The following TRIM27 variants were observed in gnomAD, a reference collection of about 807,000 sequenced individuals.
TRIM27 encodes tripartite motif containing 27, also known as zinc finger protein RFP.
In TRIM27, 12 loss-of-function variants were observed where a neutral mutation model predicts 57.6. That is an observed-to-expected ratio of 0.21 (90% CI 0.13 to 0.34). The LOEUF is 0.34. Ranked by LOEUF, TRIM27 falls within the 10% of genes least tolerant of loss-of-function variation. TRIM27 has a pLI of 1.00. For synonymous variants in TRIM27, 266 were observed against 259.0 expected, an observed-to-expected ratio of 1.03 and a Z score of -0.26; for missense variants, 403 against 656.8, an observed-to-expected ratio of 0.61 and a Z score of 4.22.
Position 28,923,685 on chromosome 6 carries a change from C to G in TRIM27, c.-53G>C. 6.9e-7 allele frequency: 1 copy of G among 1,451,504 alleles called. No homozygotes were observed. Among genetic ancestry groups the G allele is most frequent in the South Asian group, 1.4e-5 (1 of 71,862 alleles). The allele number at this position is 1,451,504 out of a possible 1,614,324, so 89.9% of individuals were successfully genotyped here. On this transcript the variant is annotated 5_prime_UTR_variant, in exon 1 of 8. Transcript: ENST00000377199. Reference sequence around the variant, plus strand: ...ATGGGCCCCGGCGCCGAGCTCTGCACTGAGCCCAACTCTCCGGCGCTCTCT... The same window carrying G: ...ATGGGCCCCGGCGCCGAGCTCTGCAGTGAGCCCAACTCTCCGGCGCTCTCT...
chr6:28,910,138 A>AAC (rs1562156812), intron 4 of TRIM27, among the ~76,000 whole-genome samples: 1 of 151,386 alleles, frequency 6.6e-6, no homozygotes, highest in African/African-American at 2.4e-5. Flanking sequence ...AAAAAAAAAA[A>AAC]AAAAAACGAA....
Position 28,923,575 on chromosome 6 carries a change from G to A in TRIM27, c.58C>T (p.Leu20=), listed in dbSNP as rs1466389841. ...LQQETTCPVC[L]QYFAEPMMLD... ...ATCATGGGCTCTGCGAAGTACTGCA[G>A]GCACACGGGGCAGGTGGTCTCCTGC... The change falls in exon 1 of 8, where the codon CTG becomes TTG. Residue 20 remains leucine (L), a synonymous_variant. Transcript: ENST00000377199. The A allele has an allele frequency of 9.3e-6, 15 of 1,608,370 alleles. 1 individual carries two copies. The East Asian group carries it at 1.1e-4, about 12-fold the overall frequency.
chr6:28,918,745 G>A lies in TRIM27; in HGVS notation c.747+1267C>T, dbSNP rs577201343. 1.3e-3 allele frequency among the ~76,000 whole-genome samples: 201 copies of A among 151,998 alleles called. 1 individual carries two copies. The highest frequency in any genetic ancestry group is 4.6e-3 in the African/African-American group (190 of 41,524). Reference sequence around the variant, plus strand: ...ACAAAAATTAGCCAGCCATGGTGGTGTGCGCCTGTAATCTCAGCTACTCAG... The same window carrying A: ...ACAAAAATTAGCCAGCCATGGTGGTATGCGCCTGTAATCTCAGCTACTCAG... On this transcript the variant is annotated intron_variant, in intron 3 of 7. Transcript: ENST00000377199.
intron 3 of TRIM27, among the ~76,000 whole-genome samples, chr6:28,918,275 C>CT (rs1397334500): frequency 1.3e-5 from 2 of 152,164 alleles, no homozygotes; most frequent in Non-Finnish European, 2.9e-5. Flanking sequence ...TGTCTCGTCT[C>CT]TAAGTATTTT....
chr6:28,922,045 G>A (rs1774083769), intron 1 of TRIM27, 58 bp from the exon 2 acceptor site: 1 of 1,297,822 alleles, frequency 7.7e-7, no homozygotes, highest in Non-Finnish European at 1.1e-6. Flanking sequence ...GCATCAGCAT[G>A]GTACTTCTTA....
chr6:28,920,394 A>G (rs1258883744), intron 2 of TRIM27, 152 bp from the exon 3 acceptor site: 1 of 618,052 alleles, frequency 1.6e-6, no homozygotes. Flanking sequence ...CTGACTGGAT[A>G]TATAATGCCC....
chr6:28,908,298 T>C (rs1772927984), intron 6 of TRIM27: 1 of 157,724 alleles, frequency 6.3e-6, no homozygotes, highest in Admixed American at 6.3e-5. Context: ...GGAAATTACT[T>C]GTTGAATCCT....
At chr6:28,905,161 C>T (rs1772675091) in intron 7 of TRIM27, 1 of 154,050 alleles carries the variant, frequency 6.5e-6, no homozygotes, top group East Asian at 1.9e-4. Flanking sequence ...CCTCCCACCT[C>T]AACTTCCCAA....
chr6:28,911,692 A>G lies in TRIM27; in HGVS notation c.770+4T>C. 6.2e-7 allele frequency: 1 copy of G among 1,612,304 alleles called. No homozygotes were observed. The highest frequency in any genetic ancestry group is 8.5e-7 in the Non-Finnish European group (1 of 1,179,474). ...TTTAACACTAGGGAAACAGAAAACT[A>G]TACCTGCTCAATGTGTCCCCAATGT... On this transcript the variant is annotated splice_donor_region_variant and intron_variant, in intron 4 of 7. Coordinates refer to ENST00000377199, the MANE Select transcript of TRIM27 (RefSeq NM_006510.5).
At chr6:28,918,716 A>C (rs1773802475) in intron 3 of TRIM27, among the ~76,000 whole-genome samples, 2 of 151,862 alleles carry the variant, frequency 1.3e-5, no homozygotes, top group Non-Finnish European at 2.9e-5. Flanking sequence ...TCTCTACTAA[A>C]AATACAAAAA....
intron 3 of TRIM27, among the ~76,000 whole-genome samples, chr6:28,912,993 C>T (rs540876784): frequency 7.2e-5 from 11 of 152,230 alleles, no homozygotes; most frequent in African/African-American, 2.6e-4. Flanking sequence ...CAGTGGCTCA[C>T]GCCTGTAATC....
chr6:28,916,467 G>A (rs1404202539), intron 3 of TRIM27, among the ~76,000 whole-genome samples: 2 of 151,842 alleles, frequency 1.3e-5, no homozygotes, highest in Non-Finnish European at 2.9e-5. Context: ...CAGGAGAATC[G>A]CTTGAACCTG....
chr6:28,908,878 C>A, intron 5 of TRIM27, 38 bp from the exon 6 acceptor site: 2 of 1,611,506 alleles, frequency 1.2e-6, no homozygotes, highest in Non-Finnish European at 1.7e-6. Flanking sequence ...AGTCTGCATC[C>A]CACTATCTGG....
At chr6:28,911,768 G>A (rs375239823) in intron 3 of TRIM27, 50 bp from the exon 4 acceptor site, 24 of 1,592,722 alleles carry the variant, frequency 1.5e-5, no homozygotes, top group Non-Finnish European at 1.9e-5. Flanking sequence ...TTAAAACTTC[G>A]GTTTTCTTTC....
chr6:28,920,000 TGCA>T lies in TRIM27; in HGVS notation c.747+9_747+11del, dbSNP rs1562178043. 4.4e-6 allele frequency: 7 copies of T among 1,608,702 alleles called. No individual in the cohort carries two copies. The South Asian group carries it at 5.5e-5, about 13-fold the overall frequency. On this transcript the variant is annotated intron_variant, in intron 3 of 7. Coordinates refer to ENST00000377199, the MANE Select transcript of TRIM27 (RefSeq NM_006510.5). ...AGTGGGTGCTGCTCTAGCAGGGCTC[TGCA>T]AGCCTTACCTGCAGGAGCTCCCTGG...
At chr6:28,917,577 TAA>T (rs9280510) in intron 3 of TRIM27, among the ~76,000 whole-genome samples, 13 of 131,198 alleles carry the variant, frequency 9.9e-5, no homozygotes, top group Non-Finnish European at 6.6e-5. Context: ...GAGTATGTCT[TAA>T]AAAAAAAAAA....
chr6:28,923,343 T>A lies in TRIM27; in HGVS notation c.290A>T (p.Glu97Val), dbSNP rs1243282462. 6.2e-7 allele frequency: 1 copy of A among 1,611,870 alleles called. No homozygotes were observed. Among genetic ancestry groups the A allele is most frequent in the Non-Finnish European group, 8.5e-7 (1 of 1,179,714 alleles). ...CAGCTTCAGGGGCTCGCGGTGCTTC[T>A]CGCACACGCCCATCTCGCCGCCGGG... is the stretch of plus-strand genomic sequence containing the variant. ...SGPGGEMGVC[E>V]KHREPLKLYC... The change falls in exon 1 of 8, where the codon GAG (glutamate) becomes GTG (valine). Residue 97 changes from glutamate to valine, a missense_variant. By Grantham distance (121) the Glu-to-Val change is moderately radical. Coordinates refer to ENST00000377199, the MANE Select transcript of TRIM27 (RefSeq NM_006510.5).
At chr6:28,915,070 A>C (rs1308509853) in intron 3 of TRIM27, 1 of 152,078 alleles carries the variant, frequency 6.6e-6, no homozygotes, top group African/African-American at 2.4e-5. Flanking sequence ...AATAGAGATA[A>C]ATGATACTGG....
intron 1 of TRIM27, 139 bp from the exon 2 acceptor site, chr6:28,922,126 C>T (rs914382406): frequency 4.7e-6 from 3 of 639,816 alleles, no homozygotes; most frequent in African/African-American, 3.6e-5. Context: ...CACTGCCACC[C>T]ACAAGAGACT....
Sources: gnomAD v4.1 joint callset for allele counts (sites outside exome capture counted in the v4.1 genomes callset) on GRCh38, gnomAD v4.1.1 for gene constraint, MANE v1.5 for transcripts, NCBI Gene and HGNC (gene_info 2026-07-23, HGNC 2026-07-21) for gene names.